The following ZUP1 variants were observed in gnomAD, a reference collection of about 807,000 sequenced individuals.
The protein encoded by ZUP1 is zinc finger containing ubiquitin peptidase 1.
Under a neutral mutation model 68.1 loss-of-function variants are expected in ZUP1, and 55 were observed. That is an observed-to-expected ratio of 0.81 (90% CI 0.65 to 1.01). The LOEUF (loss-of-function observed/expected upper bound fraction) is 1.01, where lower values mean the gene tolerates loss of function less well. Ranked by LOEUF, ZUP1 falls within the 50% of genes least tolerant of loss-of-function variation. ZUP1 has a pLI of 0.00. For synonymous variants in ZUP1, 223 were observed against 221.5 expected (o/e 1.01, Z -0.06); for missense variants, 684 against 674.9 (o/e 1.01, Z -0.15).
Position 116,656,739 on chromosome 6 carries a change from A to C in ZUP1, c.906T>G (p.Ala302=). 2 of 1,612,502 alleles carry C rather than the reference A, an allele frequency of 1.2e-6. No individual in the cohort carries two copies. Among genetic ancestry groups the C allele is most frequent in the Non-Finnish European group, 8.5e-7 (1 of 1,179,512 alleles). Residue 302 remains alanine (A), a synonymous_variant, in exon 5 of 10, where the codon GCT becomes GCG. Transcript: ENST00000368576. ...MPPSEFHRRK[A]DMMESLALGF... Reference sequence around the variant, plus strand: ...CAAGAGCTAATGATTCCATCATATCAGCTTTTCTCCTATGAAATTCAGATG... The same window carrying C: ...CAAGAGCTAATGATTCCATCATATCCGCTTTTCTCCTATGAAATTCAGATG...
intron 9 of ZUP1, among the ~76,000 whole-genome samples, chr6:116,639,800 C>A (rs937116487): frequency 2.0e-5 from 3 of 152,208 alleles, no homozygotes; most frequent in African/African-American, 7.2e-5. Context: ...TCCAAAGGAA[C>A]GCAGTTCCTC....
intron 1 of ZUP1, among the ~76,000 whole-genome samples, chr6:116,668,224 G>A (rs1777067748): frequency 6.6e-6 from 1 of 152,076 alleles, no homozygotes; most frequent in Non-Finnish European, 1.5e-5. Flanking sequence ...ATTTTAGAAG[G>A]CAGTTCTCCC....
In ZUP1 at chr6:116,666,861, C is replaced by G; in HGVS notation, c.332G>C (p.Ser111Thr). Residue 111 changes from serine to threonine, a missense_variant, in exon 2 of 10, where the codon AGT (serine) becomes ACT (threonine). By Grantham distance (58) the Ser-to-Thr change is moderately conservative (BLOSUM62 1). Coordinates refer to ENST00000368576, the MANE Select transcript of ZUP1 (RefSeq NM_145062.3). ...ATAGAAGCCTTCATGTTTTAAAGTA[C>G]TATCTTTAGTCAGGTTTTGAGCTGA... Reference protein sequence around the residue: ...KNSAQNLTKDSTLKHEGFYSE... With the variant: ...KNSAQNLTKDTTLKHEGFYSE... The G allele has an allele frequency of 6.2e-7, 1 of 1,609,906 alleles. No individual in the cohort carries two copies. Among genetic ancestry groups the G allele is most frequent in the Non-Finnish European group, 8.5e-7 (1 of 1,178,786 alleles).
At chr6:116,659,376 A>C (rs1263013999) in intron 3 of ZUP1, among the ~76,000 whole-genome samples, 1 of 152,180 alleles carries the variant, frequency 6.6e-6, no homozygotes, top group East Asian at 1.9e-4. Flanking sequence ...GTGATCCACC[A>C]GCCTCGGCCT....
chr6:116,663,950 A>G (rs1195364088), intron 2 of ZUP1, among the ~76,000 whole-genome samples: 1 of 152,114 alleles, frequency 6.6e-6, no homozygotes, highest in Non-Finnish European at 1.5e-5. Flanking sequence ...TTGTCTCAAA[A>G]AATATAAAAT....
At chr6:116,646,076 C>T (rs1042650886) in intron 8 of ZUP1, 142 bp from the exon 9 acceptor site, 3 of 537,762 alleles carry the variant, frequency 5.6e-6, no homozygotes, top group Non-Finnish European at 9.3e-6. Context: ...CTAAGTTCTC[C>T]TAAGACGTAA....
At chr6:116,661,144 G>C (rs1776827607) in intron 2 of ZUP1, among the ~76,000 whole-genome samples, 1 of 151,910 alleles carries the variant, frequency 6.6e-6, no homozygotes, top group African/African-American at 2.4e-5. Context: ...CCAAAGTGCT[G>C]GGATTACAGG....
intron 1 of ZUP1, among the ~76,000 whole-genome samples, chr6:116,668,340 G>T (rs1419594912): frequency 6.6e-6 from 1 of 152,114 alleles, no homozygotes; most frequent in Non-Finnish European, 1.5e-5. Flanking sequence ...CAGATTAAGC[G>T]GGTAAGAGAC....
At position 116,635,827 on chromosome 6, in the gene ZUP1, A is replaced by G. The variant is rs1775895909; in HGVS notation, c.*5T>C. 3 of 1,597,718 alleles carry G rather than the reference A, an allele frequency of 1.9e-6. No homozygotes were observed. On this transcript the variant is annotated 3_prime_UTR_variant, in exon 10 of 10. Transcript: ENST00000368576. ...AATCACTGAAATGCTTAAATGCTTG[A>G]TTCTTCAAGGAATCTTCTCGGCTGT...
intron 4 of ZUP1, among the ~76,000 whole-genome samples, chr6:116,658,251 A>C (rs1776726983): frequency 6.6e-6 from 1 of 152,258 alleles, no homozygotes; most frequent in Non-Finnish European, 1.5e-5. Flanking sequence ...AGTTTAGTCC[A>C]ACAGGTAAAA....
intron 9 of ZUP1, among the ~76,000 whole-genome samples, chr6:116,644,490 C>T (rs918912189): frequency 1.3e-5 from 2 of 152,082 alleles, no homozygotes; most frequent in Non-Finnish European, 2.9e-5. Context: ...ACATATATAC[C>T]ATGGAATACT....
At position 116,647,586 on chromosome 6, in the gene ZUP1, T is replaced by C; in HGVS notation, c.1341A>G (p.Lys447=). The change falls in exon 8 of 10, where the codon AAA becomes AAG. Residue 447 remains lysine, a synonymous_variant. Transcript: ENST00000368576. ...GGTGTGTACCCAAAGGACCAGTTGA[T>C]TTGTGAAAATCAACAATATGACACC... ...RVKCHIVDFH[K]STGPLGTHPR... 6.3e-7 allele frequency: 1 copy of C among 1,576,324 alleles called. No homozygotes were observed. The highest frequency in any genetic ancestry group is 8.7e-7 in the Non-Finnish European group (1 of 1,154,624).
intron 9 of ZUP1, among the ~76,000 whole-genome samples, chr6:116,645,265 T>C (rs1776255329): frequency 6.6e-6 from 1 of 152,064 alleles, no homozygotes; most frequent in Non-Finnish European, 1.5e-5. Flanking sequence ...TCCAAGTTAA[T>C]GAAACAGAAT....
Position 116,666,678 on chromosome 6 carries a change from T to C in ZUP1, c.515A>G (p.His172Arg), listed in dbSNP as rs376599188. ...AAGATTGGCATGCTTTGTTTTCACA[T>C]GAGTTTCCATATCTTCACTGTGCTC... ...IEEHSEDMET[H>R]VKTKHANLLD... Residue 172 changes from histidine to arginine, a missense_variant, in exon 2 of 10, where the codon CAT becomes CGT. Coordinates refer to ENST00000368576, the MANE Select transcript of ZUP1 (RefSeq NM_145062.3). The C allele has an allele frequency of 4.4e-6, 7 of 1,600,232 alleles. No homozygotes were observed. In the African/African-American group the frequency reaches 8.1e-5, roughly 18 times the overall value.
intron 3 of ZUP1, among the ~76,000 whole-genome samples, chr6:116,659,676 T>C (rs1446191554): frequency 6.6e-6 from 1 of 151,970 alleles, no homozygotes; most frequent in Non-Finnish European, 1.5e-5. Context: ...AGGTGTTAGA[T>C]AATAATTTAA....
chr6:116,645,953 G>A lies in ZUP1; in HGVS notation c.1469-19C>T, dbSNP rs762482752. On this transcript the variant is annotated intron_variant, in intron 8 of 9. Transcript: ENST00000368576. Reference sequence around the variant, plus strand: ...CTGTGACCTATCAAAAGATTTTTAAGTTATACATACGTCACATCTATTTAC... The same window carrying A: ...CTGTGACCTATCAAAAGATTTTTAAATTATACATACGTCACATCTATTTAC... 6.4e-7 allele frequency: 1 copy of A among 1,557,636 alleles called. No homozygotes were observed. The highest frequency in any genetic ancestry group is 1.7e-5 in the Admixed American group (1 of 58,298).
intron 3 of ZUP1, 111 bp downstream of exon 3, chr6:116,660,625 G>A: frequency 3.4e-6 from 2 of 593,684 alleles, no homozygotes; most frequent in South Asian, 3.0e-5. Context: ...ACTTTTAAAG[G>A]AAAAGATGTA....
At chr6:116,664,006 T>C (rs1488209885) in intron 2 of ZUP1, among the ~76,000 whole-genome samples, 1 of 152,074 alleles carries the variant, frequency 6.6e-6, no homozygotes, top group African/African-American at 2.4e-5. Context: ...ACCTCAACTA[T>C]CTATAAAAAT....
intron 9 of ZUP1, among the ~76,000 whole-genome samples, chr6:116,642,307 A>G (rs1233459010): frequency 6.6e-6 from 1 of 152,198 alleles, no homozygotes; most frequent in Non-Finnish European, 1.5e-5. Flanking sequence ...ATCAATAGAA[A>G]AAGAGGGAAT....
Sources: gnomAD v4.1 joint callset for allele counts (sites outside exome capture counted in the v4.1 genomes callset) on GRCh38, gnomAD v4.1.1 for gene constraint, MANE v1.5 for transcripts, NCBI Gene and HGNC (gene_info 2026-07-23, HGNC 2026-07-21) for gene names.